GPR149: variants seen among roughly 807,000 people sequenced by gnomAD.
The protein encoded by GPR149 is G protein-coupled receptor 149, also known as probable G protein-coupled receptor 149.
Under a neutral mutation model 50.2 loss-of-function variants are expected in GPR149, and 50 were observed. The ratio of observed to expected loss-of-function variants is 1.00; its 90% confidence interval spans 0.79 to 1.26. GPR149 has a LOEUF of 1.26. GPR149 is among the 50% of genes most tolerant of loss of function. GPR149 has a pLI of 0.00. For missense variants in GPR149, 983 were observed against 895.4 expected (o/e 1.10, Z -1.25); for synonymous variants, 405 against 358.2 (o/e 1.13, Z -1.48).
chr3:154,368,346 C>T (rs1307874966), intron 3 of GPR149, among the ~76,000 whole-genome samples: 1 of 152,298 alleles, frequency 6.6e-6, no homozygotes, highest in East Asian at 1.9e-4. Context: ...CCAGAGGATC[C>T]CTCTTCATGG....
intron 3 of GPR149, among the ~76,000 whole-genome samples, chr3:154,362,211 C>T (rs377335034): frequency 6.6e-6 from 1 of 151,010 alleles, no homozygotes; most frequent in African/African-American, 2.4e-5. Context: ...ATGGTGTGAA[C>T]CCGGGAGGCG....
At chr3:154,381,140 G>A (rs1216102527) in intron 3 of GPR149, among the ~76,000 whole-genome samples, 1 of 152,168 alleles carries the variant, frequency 6.6e-6, no homozygotes, top group Non-Finnish European at 1.5e-5. Flanking sequence ...AGTTAAGCAT[G>A]CCATCATGAT....
chr3:154,374,042 C>T (rs760325184), intron 3 of GPR149, among the ~76,000 whole-genome samples: 2 of 152,076 alleles, frequency 1.3e-5, no homozygotes, highest in Non-Finnish European at 2.9e-5. Context: ...CTTTTGGGTG[C>T]TTAGAGTTTG....
intron 3 of GPR149, among the ~76,000 whole-genome samples, chr3:154,360,935 T>C (rs1266331552): frequency 1.3e-5 from 2 of 152,162 alleles, no homozygotes; most frequent in African/African-American, 2.4e-5. Flanking sequence ...TTGAAGAAAA[T>C]ACAAAGTAAA....
intron 3 of GPR149, among the ~76,000 whole-genome samples, chr3:154,369,493 C>T (rs1191283131): frequency 1.3e-5 from 2 of 152,170 alleles, no homozygotes; most frequent in African/African-American, 2.4e-5. Flanking sequence ...CACTCAGGGC[C>T]TCTTCCCTCA....
At chr3:154,389,452 C>A (rs981918706) in intron 3 of GPR149, among the ~76,000 whole-genome samples, 3 of 152,112 alleles carry the variant, frequency 2.0e-5, no homozygotes, top group African/African-American at 7.2e-5. Flanking sequence ...CAAGACCATA[C>A]ATTCAGCATT....
At position 154,421,467 on chromosome 3, in the gene GPR149, A is replaced by T; in HGVS notation, c.1195T>A (p.Phe399Ile). 6.3e-7 allele frequency: 1 copy of T among 1,577,862 alleles called. No homozygotes were observed. The highest frequency in any genetic ancestry group is 1.8e-5 in the Admixed American group (1 of 54,686). ...TAACTTTTTTGGAATGATAGATTGAATTCAAAGCCTTTTCTCTTGACTGAG... is the reference window on the plus strand; with the variant it reads ...TAACTTTTTTGGAATGATAGATTGATTTCAAAGCCTTTTCTCTTGACTGAG... The part of the protein sequence containing the change: ...GKKIKRKGFE[F>I]NLSFQKSYGI... The change falls in exon 3 of 4, where the codon TTC (phenylalanine) becomes ATC (isoleucine). Residue 399 changes from phenylalanine (F) to isoleucine (I), a missense_variant. Phe to Ile is a conservative substitution (Grantham distance 21). Transcript: ENST00000389740.
chr3:154,340,129 TAC>T (rs1361705286), intron 3 of GPR149, among the ~76,000 whole-genome samples: 4 of 152,108 alleles, frequency 2.6e-5, no homozygotes, highest in African/African-American at 9.7e-5. Flanking sequence ...TAGAAAAAAA[TAC>T]AGTCTGGGCT....
intron 3 of GPR149, among the ~76,000 whole-genome samples, chr3:154,356,363 T>C (rs1161411180): frequency 6.6e-6 from 1 of 152,148 alleles, no homozygotes; most frequent in Non-Finnish European, 1.5e-5. Flanking sequence ...ATAAAGGGTA[T>C]TCAATCAGGA....
intron 3 of GPR149, among the ~76,000 whole-genome samples, chr3:154,368,158 G>T (rs1053119882): frequency 6.6e-6 from 1 of 152,148 alleles, no homozygotes; most frequent in Non-Finnish European, 1.5e-5. Flanking sequence ...CCATGGCCCC[G>T]CCAGAGGCTC....
intron 3 of GPR149, among the ~76,000 whole-genome samples, chr3:154,378,300 G>A (rs536818089): frequency 1.3e-5 from 2 of 151,898 alleles, no homozygotes; most frequent in South Asian, 4.2e-4. Flanking sequence ...CACCATGTTG[G>A]CCAGGCTGGT....
chr3:154,379,943 G>A (rs1029451379), intron 3 of GPR149, among the ~76,000 whole-genome samples: 1 of 151,568 alleles, frequency 6.6e-6, no homozygotes, highest in African/African-American at 2.4e-5. Flanking sequence ...GTGTATGTGT[G>A]TTTTCTGTTC....
chr3:154,354,012 A>ATT, intron 3 of GPR149: 5 of 433,138 alleles, frequency 1.2e-5, no homozygotes, highest in Admixed American at 6.7e-5. Context: ...ACTTGCTTTG[A>ATT]TTTTTTTTTT....
At chr3:154,397,260 A>G (rs1403049762) in intron 3 of GPR149, among the ~76,000 whole-genome samples, 1 of 152,218 alleles carries the variant, frequency 6.6e-6, no homozygotes, top group East Asian at 1.9e-4. Context: ...GAAGGGTCAG[A>G]AAAGACCAGT....
chr3:154,340,043 C>T (rs1204106232), intron 3 of GPR149, among the ~76,000 whole-genome samples: 2 of 152,144 alleles, frequency 1.3e-5, no homozygotes, highest in South Asian at 2.1e-4. Flanking sequence ...CCTCCCGCCT[C>T]GGCCTCCCAA....
intron 3 of GPR149, among the ~76,000 whole-genome samples, chr3:154,340,433 A>C (rs1713764173): frequency 6.6e-6 from 1 of 152,250 alleles, no homozygotes; most frequent in Non-Finnish European, 1.5e-5. Context: ...TTGGCAAAAG[A>C]GAAGTAGGTT....
At position 154,335,064 on chromosome 3, in the gene GPR149, A is replaced by G. The variant is rs1713622113; in HGVS notation, c.*2635T>C. 1 of 152,096 alleles carries G rather than the reference A, an allele frequency of 6.6e-6. No individual in the cohort carries two copies. Among genetic ancestry groups the G allele is most frequent in the Non-Finnish European group, 1.5e-5 (1 of 67,988 alleles). 9.4% of individuals were successfully genotyped at this position (152,096 alleles called of 1,614,324 possible). Reference sequence around the variant, plus strand: ...CTTAGGGATTATATATTAGGTGTTTATACTATTTGGGAGTCTCGGGGATTA... The same window carrying G: ...CTTAGGGATTATATATTAGGTGTTTGTACTATTTGGGAGTCTCGGGGATTA... On this transcript the variant is annotated 3_prime_UTR_variant, in exon 4 of 4. Coordinates refer to ENST00000389740, the MANE Select transcript of GPR149 (RefSeq NM_001038705.3).
intron 3 of GPR149, among the ~76,000 whole-genome samples, chr3:154,407,210 T>G (rs1711718632): frequency 6.6e-6 from 1 of 152,130 alleles, no homozygotes; most frequent in Non-Finnish European, 1.5e-5. Flanking sequence ...TTTTATATAG[T>G]TCTGATGCTT....
intron 3 of GPR149, among the ~76,000 whole-genome samples, chr3:154,371,814 G>A (rs192767948): frequency 6.8e-4 from 104 of 152,226 alleles, no homozygotes; most frequent in African/African-American, 2.2e-3. Flanking sequence ...TGGATACCTC[G>A]GCTCCTCCCC....
Sources: gnomAD v4.1 joint callset for allele counts (sites outside exome capture counted in the v4.1 genomes callset) on GRCh38, gnomAD v4.1.1 for gene constraint, MANE v1.5 for transcripts, NCBI Gene and HGNC (gene_info 2026-07-23, HGNC 2026-07-21) for gene names.